TNRC6B: variants seen among roughly 807,000 people sequenced by gnomAD.
TNRC6B encodes trinucleotide repeat-containing gene 6B protein.
A neutral mutation model predicts 203.6 loss-of-function variants in TNRC6B; 52 were observed. That is an observed-to-expected ratio of 0.26 (90% CI 0.20 to 0.32). The LOEUF is 0.32. Among genes scored for constraint, TNRC6B ranks in the 10% least tolerant of loss-of-function variants. The probability of loss-of-function intolerance (pLI) is 1.00; values close to 1 mark genes in which losing one functional copy is unlikely to be tolerated. For synonymous variants in TNRC6B, 838 were observed against 845.7 expected (o/e 0.99, Z 0.16); for missense variants, 1,923 against 2,286.2 (o/e 0.84, Z 3.24).
chr22:40,122,050 C>T (rs534986821), intron 2 of TNRC6B, among the ~76,000 whole-genome samples: 2 of 152,196 alleles, frequency 1.3e-5, no homozygotes, highest in South Asian at 4.1e-4. Flanking sequence ...GTATTTTACT[C>T]CCTTGAATTT....
At chr22:40,223,374 C>T (rs1193957213) in intron 1 of TNRC6B, among the ~76,000 whole-genome samples, 2 of 151,678 alleles carry the variant, frequency 1.3e-5, no homozygotes, top group Non-Finnish European at 1.5e-5. Flanking sequence ...CTCTTGACCT[C>T]GTGATCCGCC....
chr22:40,045,861 C>T (rs2067683482), intron 1 of TNRC6B, among the ~76,000 whole-genome samples: 1 of 152,214 alleles, frequency 6.6e-6, no homozygotes, highest in Non-Finnish European at 1.5e-5. Flanking sequence ...CTTTGGAATT[C>T]AGGTTACCAG....
rs545908217 is a variant in TNRC6B at position 40,113,596 on chromosome 22, A to G, written c.-120-3459A>G. Among the ~76,000 whole-genome samples, 348 of 152,314 alleles carry G rather than the reference A, an allele frequency of 2.3e-3. 1 individual carries two copies. The highest frequency in any genetic ancestry group is 3.6e-3 in the Non-Finnish European group (247 of 68,026). On this transcript the variant is annotated intron_variant, in intron 1 of 23. Coordinates refer to the TNRC6B transcript ENST00000301923. Reference sequence around the variant, plus strand: ...AGTCTTGAACTCGTGAGCTCAATCAATCTGCCCACCTCTGCCTCCCAAAGT... The same window carrying G: ...AGTCTTGAACTCGTGAGCTCAATCAGTCTGCCCACCTCTGCCTCCCAAAGT...
chr22:40,311,487 T>C (rs1208055548), intron 17 of TNRC6B, among the ~76,000 whole-genome samples: 3 of 152,164 alleles, frequency 2.0e-5, no homozygotes, highest in African/African-American at 4.8e-5. Context: ...TAGACCTCTT[T>C]CTGTGCATGC....
intron 1 of TNRC6B, among the ~76,000 whole-genome samples, chr22:40,215,103 T>G (rs2069617912): frequency 6.6e-6 from 1 of 151,800 alleles, no homozygotes; most frequent in South Asian, 2.1e-4. Flanking sequence ...TAAGGATGTA[T>G]CTTAACAATT....
At chr22:40,167,450 T>A (rs2068929594) in intron 4 of TNRC6B, among the ~76,000 whole-genome samples, 1 of 152,116 alleles carries the variant, frequency 6.6e-6, no homozygotes, top group African/African-American at 2.4e-5. Flanking sequence ...GAAGTTGTTG[T>A]TTAATGTGTG....
At chr22:40,205,952 C>T (rs1469174527) in intron 1 of TNRC6B, among the ~76,000 whole-genome samples, 2 of 152,128 alleles carry the variant, frequency 1.3e-5, no homozygotes, top group African/African-American at 4.8e-5. Flanking sequence ...CGCAATAGTA[C>T]TTAAGAAATA....
At chr22:40,120,002 A>C (rs748815027) in intron 2 of TNRC6B, among the ~76,000 whole-genome samples, 5 of 152,254 alleles carry the variant, frequency 3.3e-5, no homozygotes, top group Admixed American at 1.3e-4. Flanking sequence ...AATGGGTATC[A>C]ATATGACATT....
chr22:40,218,324 CTT>C (rs71199275), intron 1 of TNRC6B, among the ~76,000 whole-genome samples: 10 of 97,472 alleles, frequency 1.0e-4, no homozygotes, highest in Middle Eastern at 7.7e-3. Context: ...TTTTTCTTTT[CTT>C]TTTTTTTTTT....
In TNRC6B at chr22:40,144,659, A is replaced by G. The variant is rs551762653; in HGVS notation, c.46-11456A>G. ...CACTGTACTCCAGCCTGGGCGACAG[A>G]GCAAGACTCCGTCTCGGAAAAAAAA... On this transcript the variant is annotated intron_variant, in intron 3 of 23. Coordinates refer to the TNRC6B transcript ENST00000301923. 4.9e-5 allele frequency among the ~76,000 whole-genome samples: 7 copies of G among 144,226 alleles called. No individual in the cohort carries two copies. In the South Asian group the frequency reaches 1.3e-3, roughly 27 times the overall value. 94.6% of individuals were successfully genotyped at this position (144,226 alleles called of 152,430 possible).
intron 2 of TNRC6B, among the ~76,000 whole-genome samples, chr22:40,119,845 A>G (rs2068427225): frequency 6.6e-6 from 1 of 152,126 alleles, no homozygotes; most frequent in Admixed American, 6.5e-5. Flanking sequence ...GTTTTGTCAA[A>G]AGGAAAGTAA....
At chr22:40,124,403 G>A (rs1487923397) in intron 2 of TNRC6B, among the ~76,000 whole-genome samples, 3 of 148,854 alleles carry the variant, frequency 2.0e-5, no homozygotes, top group African/African-American at 7.5e-5. Context: ...GCTCACTGCA[G>A]CCTTGACCTC....
intron 1 of TNRC6B, among the ~76,000 whole-genome samples, chr22:40,081,539 C>T (rs1463381792): frequency 1.3e-5 from 2 of 152,144 alleles, no homozygotes; most frequent in African/African-American, 2.4e-5. Flanking sequence ...TGTTGTTTAG[C>T]GGCATGGCTT....
At chr22:40,295,863 T>A (rs1403772364) in intron 12 of TNRC6B, among the ~76,000 whole-genome samples, 3 of 152,156 alleles carry the variant, frequency 2.0e-5, no homozygotes, top group Non-Finnish European at 4.4e-5. Context: ...AAATTTTTGT[T>A]GCTTTTGTTT....
intron 3 of TNRC6B, among the ~76,000 whole-genome samples, chr22:40,133,503 A>G (rs2068570947): frequency 6.6e-6 from 1 of 152,208 alleles, no homozygotes; most frequent in Non-Finnish European, 1.5e-5. Context: ...CCGATATTAA[A>G]TATGTGCCTA....
At chr22:40,241,800 T>A (rs5757888) in intron 1 of TNRC6B, among the ~76,000 whole-genome samples, 1 of 152,166 alleles carries the variant, frequency 6.6e-6, no homozygotes, top group East Asian at 1.9e-4. Context: ...CATTTCAATT[T>A]ATTCATTTGC....
At chr22:40,076,965 G>A (rs1158591569) in intron 1 of TNRC6B, among the ~76,000 whole-genome samples, 1 of 151,396 alleles carries the variant, frequency 6.6e-6, no homozygotes, top group African/African-American at 2.4e-5. Context: ...TTTGAGACTA[G>A]TCTGAGCAAA....
intron 1 of TNRC6B, among the ~76,000 whole-genome samples, chr22:40,062,292 C>T (rs1421716116): frequency 6.6e-6 from 1 of 152,130 alleles, no homozygotes; most frequent in Non-Finnish European, 1.5e-5. Flanking sequence ...CCTCTGCCTT[C>T]TGGGTTTAGG....
upstream of TNRC6B, among the ~76,000 whole-genome samples, chr22:40,173,789 ATATATTTTTTTT>A (rs1569007715): frequency 2.3e-5 from 1 of 43,080 alleles, no homozygotes; most frequent in African/African-American, 1.3e-4. Context: ...ATATATATAT[ATATATTTTTTTT>A]TTTTTTTTTT....
Sources: allele counts gnomAD v4.1 joint callset (sites outside exome capture counted in the v4.1 genomes callset), GRCh38; gene constraint gnomAD v4.1.1; transcripts MANE v1.5; gene names NCBI Gene and HGNC (gene_info 2026-07-23, HGNC 2026-07-21).